Variants in MAGI2 observed in about 807,000 individuals in gnomAD.
MAGI2 encodes the protein membrane-associated guanylate kinase, WW and PDZ domain-containing protein 2.
In MAGI2, 35 loss-of-function variants were observed where a neutral mutation model predicts 133.3. The ratio of observed to expected loss-of-function variants is 0.26; its 90% CI spans 0.20 to 0.35. The LOEUF is 0.35. Among genes scored for constraint, MAGI2 ranks in the 10% least tolerant of loss-of-function variants. The pLI, the probability that MAGI2 is intolerant of heterozygous loss-of-function variation, is 1.00. For missense variants in MAGI2, 1,636 were observed against 1,863.4 expected, an observed-to-expected ratio of 0.88 and a Z score of 2.25; for synonymous variants, 729 against 710.6, an observed-to-expected ratio of 1.03 and a Z score of -0.41.
intron 1 of MAGI2, among the ~76,000 whole-genome samples, chr7:79,062,017 C>T (rs571679774): frequency 8.5e-5 from 13 of 152,228 alleles, no homozygotes; most frequent in African/African-American, 3.1e-4. Flanking sequence ...TTTCCAGGCA[C>T]AAGGCAGGTG....
intron 19 of MAGI2, among the ~76,000 whole-genome samples, chr7:78,126,046 C>T (rs1015413246): frequency 6.6e-6 from 1 of 152,158 alleles, no homozygotes; most frequent in African/African-American, 2.4e-5. Context: ...TTTACTTGGT[C>T]ATCAAAGAAT....
At chr7:79,056,551 T>C (rs1293966624) in intron 1 of MAGI2, among the ~76,000 whole-genome samples, 1 of 152,202 alleles carries the variant, frequency 6.6e-6, no homozygotes, top group Admixed American at 6.5e-5. Context: ...GTTCAATACT[T>C]GCACAGAGTA....
intron 1 of MAGI2, among the ~76,000 whole-genome samples, chr7:79,425,093 GA>G: frequency 6.6e-6 from 1 of 151,380 alleles, no homozygotes; most frequent in East Asian, 1.9e-4. Flanking sequence ...ACTAAAAATA[GA>G]AAAAAAATTA....
At chr7:79,064,933 C>A (rs1211632775) in intron 1 of MAGI2, among the ~76,000 whole-genome samples, 1 of 152,020 alleles carries the variant, frequency 6.6e-6, no homozygotes, top group East Asian at 1.9e-4. Context: ...ACCTACAGTC[C>A]ATGTGATCTA....
intron 1 of MAGI2, among the ~76,000 whole-genome samples, chr7:79,066,641 T>C (rs984292626): frequency 1.3e-5 from 2 of 152,174 alleles, no homozygotes; most frequent in African/African-American, 4.8e-5. Flanking sequence ...TTTTGGGTTT[T>C]GTTGCCATTG....
At chr7:78,690,298 C>T (rs191015319) in intron 2 of MAGI2, among the ~76,000 whole-genome samples, 11 of 152,282 alleles carry the variant, frequency 7.2e-5, no homozygotes, top group East Asian at 1.9e-4. Flanking sequence ...GGGAGTGAAT[C>T]GTACATGTAA....
chr7:78,413,795 G>C (rs1276100672), intron 6 of MAGI2, among the ~76,000 whole-genome samples: 1 of 151,938 alleles, frequency 6.6e-6, no homozygotes, highest in Non-Finnish European at 1.5e-5. Flanking sequence ...CCAAGGAAGA[G>C]AAGGAATTTT....
chr7:78,880,041 A>T (rs1246206937), intron 2 of MAGI2, among the ~76,000 whole-genome samples: 3 of 152,148 alleles, frequency 2.0e-5, no homozygotes, highest in African/African-American at 7.2e-5. Context: ...ATTTAATAAA[A>T]TGAACAAAGT....
chr7:78,706,213 G>A (rs539913150), intron 2 of MAGI2, among the ~76,000 whole-genome samples: 2 of 152,104 alleles, frequency 1.3e-5, no homozygotes, highest in African/African-American at 4.8e-5. Context: ...AGGGATCTGG[G>A]GGAGGTAACT....
chr7:78,514,982 C>G (rs1458772826), intron 4 of MAGI2, among the ~76,000 whole-genome samples: 1 of 152,038 alleles, frequency 6.6e-6, no homozygotes, highest in Non-Finnish European at 1.5e-5. Context: ...TCTCATGGGC[C>G]CTGTTCCTCT....
At chr7:78,767,176 G>A (rs1245283066) in intron 2 of MAGI2, among the ~76,000 whole-genome samples, 2 of 151,970 alleles carry the variant, frequency 1.3e-5, no homozygotes, top group Non-Finnish European at 2.9e-5. Context: ...ATTTTCAATA[G>A]AGACGGGTTT....
chr7:78,934,631 A>C (rs1023566283), intron 2 of MAGI2, among the ~76,000 whole-genome samples: 2 of 152,078 alleles, frequency 1.3e-5, no homozygotes, highest in African/African-American at 2.4e-5. Flanking sequence ...TATCGTATAA[A>C]ATTACCTTCA....
At chr7:79,425,169 T>C (rs1257613365) in intron 1 of MAGI2, among the ~76,000 whole-genome samples, 1 of 151,792 alleles carries the variant, frequency 6.6e-6, no homozygotes, top group Non-Finnish European at 1.5e-5. Context: ...TGAGAATTGC[T>C]TGAACCCAGG....
At chr7:79,308,332 T>G (rs972980359) in intron 1 of MAGI2, among the ~76,000 whole-genome samples, 6 of 151,928 alleles carry the variant, frequency 3.9e-5, no homozygotes, top group African/African-American at 1.2e-4. Context: ...GCGTTCTCAG[T>G]ACAGAGACAG....
intron 3 of MAGI2, among the ~76,000 whole-genome samples, chr7:78,588,026 C>G (rs1222242410): frequency 2.0e-5 from 3 of 151,956 alleles, no homozygotes; most frequent in Admixed American, 6.6e-5. Context: ...GTGTGTGACT[C>G]TAGACAAGGA....
intron 7 of MAGI2, among the ~76,000 whole-genome samples, chr7:78,354,056 T>C (rs1309838010): frequency 6.6e-6 from 1 of 152,136 alleles, no homozygotes; most frequent in Non-Finnish European, 1.5e-5. Context: ...AAAGCTGTGG[T>C]TCTCCCTAGA....
At chr7:79,084,644 T>C (rs964259100) in intron 1 of MAGI2, among the ~76,000 whole-genome samples, 3 of 151,814 alleles carry the variant, frequency 2.0e-5, no homozygotes, top group East Asian at 1.9e-4. Flanking sequence ...TATAGATGTC[T>C]GTTAGGTTTA....
chr7:78,245,834 G>A (rs966424031), intron 10 of MAGI2, among the ~76,000 whole-genome samples: 2 of 152,106 alleles, frequency 1.3e-5, no homozygotes, highest in Non-Finnish European at 2.9e-5. Context: ...AAAAGAAGCC[G>A]ACACGGTGCC....
intron 1 of MAGI2, among the ~76,000 whole-genome samples, chr7:79,324,944 T>C (rs578169474): frequency 5.9e-5 from 9 of 151,706 alleles, no homozygotes; most frequent in African/African-American, 2.2e-4. Context: ...ATTTGCATTT[T>C]TCAGCTCTTC....
Sources: allele counts gnomAD v4.1 joint callset (sites outside exome capture counted in the v4.1 genomes callset), GRCh38; gene constraint gnomAD v4.1.1; transcripts MANE v1.5; gene names NCBI Gene and HGNC (gene_info 2026-07-23, HGNC 2026-07-21).